EPM2A: variants seen among roughly 807,000 people sequenced by gnomAD.
EPM2A encodes laforin.
In EPM2A, 21 loss-of-function variants were observed where a neutral mutation model predicts 26.5. That is an observed-to-expected ratio of 0.79 (90% CI 0.56 to 1.14). EPM2A has a LOEUF of 1.14. Among genes scored for constraint, EPM2A ranks in the 50% most tolerant of loss-of-function variants. The pLI is 0.00. For missense variants in EPM2A, 458 were observed against 440.8 expected (o/e 1.04, Z -0.35); for synonymous variants, 217 against 177.6 (o/e 1.22, Z -1.76).
chr6:145,445,680 T>G (rs1779120153), intron 4 of EPM2A, among the ~76,000 whole-genome samples: 1 of 152,112 alleles, frequency 6.6e-6, no homozygotes, highest in Non-Finnish European at 1.5e-5. Flanking sequence ...TTTGTTTGTT[T>G]GTTTTTTTGG....
At chr6:145,527,909 G>T (rs1780300478) in intron 2 of EPM2A, among the ~76,000 whole-genome samples, 1 of 151,182 alleles carries the variant, frequency 6.6e-6, no homozygotes, top group African/African-American at 2.4e-5. Flanking sequence ...AGTTATTAAA[G>T]AAAACTAAAA....
At chr6:145,415,592 C>G (rs560937243) in intron 4 of EPM2A, among the ~76,000 whole-genome samples, 14 of 152,252 alleles carry the variant, frequency 9.2e-5, no homozygotes, top group Admixed American at 5.9e-4. Context: ...TCTTTTCCAT[C>G]ATATAGACTT....
downstream of EPM2A, among the ~76,000 whole-genome samples, chr6:145,622,924 T>A (rs376440566): frequency 5.3e-5 from 8 of 152,328 alleles, no homozygotes; most frequent in East Asian, 9.7e-4. Context: ...AAATCAGAAG[T>A]AAAACTATCT....
At chr6:145,401,918 A>G (rs1403527098) in intron 4 of EPM2A, among the ~76,000 whole-genome samples, 2 of 152,114 alleles carry the variant, frequency 1.3e-5, no homozygotes, top group African/African-American at 2.4e-5. Context: ...AATGAATAAT[A>G]AAAGAGAGAG....
chr6:145,554,893 C>T (rs1780706792), intron 2 of EPM2A, among the ~76,000 whole-genome samples: 1 of 152,010 alleles, frequency 6.6e-6, no homozygotes. Context: ...AGTTTGGGTT[C>T]CAAAGGCAGT....
chr6:145,457,094 C>G (rs569587216), intron 4 of EPM2A, among the ~76,000 whole-genome samples: 5 of 152,276 alleles, frequency 3.3e-5, no homozygotes, highest in African/African-American at 9.6e-5. Context: ...TCACAACAAC[C>G]TGATAGGTTA....
chr6:145,725,556 TG>T (rs978160060), intron 1 of EPM2A, among the ~76,000 whole-genome samples: 4 of 152,016 alleles, frequency 2.6e-5, no homozygotes, highest in African/African-American at 9.7e-5. Flanking sequence ...AAACAAAATG[TG>T]GAACATACAT....
At chr6:145,578,180 A>G (rs981189183) in intron 2 of EPM2A, among the ~76,000 whole-genome samples, 3 of 152,120 alleles carry the variant, frequency 2.0e-5, no homozygotes, top group Non-Finnish European at 2.9e-5. Flanking sequence ...TAGTAGAAGA[A>G]GAGAAATAAT....
chr6:145,612,841 T>C (rs1304865466), intron 2 of EPM2A, among the ~76,000 whole-genome samples: 1 of 151,784 alleles, frequency 6.6e-6, no homozygotes, highest in Non-Finnish European at 1.5e-5. Context: ...AGTCATAATC[T>C]TTTGCTGGAG....
chr6:145,705,900 T>A (rs1175167859), intron 1 of EPM2A: 1 of 456,794 alleles, frequency 2.2e-6, no homozygotes, highest in East Asian at 6.9e-5. Flanking sequence ...ATTTCCAAGA[T>A]ATACCAAGGA....
intron 2 of EPM2A, among the ~76,000 whole-genome samples, chr6:145,683,754 T>A (rs1212088352): frequency 6.6e-6 from 1 of 152,146 alleles, no homozygotes; most frequent in Non-Finnish European, 1.5e-5. Flanking sequence ...AGGTGGGTTG[T>A]CTGATCAGAG....
chr6:145,544,987 G>T (rs1233265978), intron 2 of EPM2A, among the ~76,000 whole-genome samples: 6 of 152,110 alleles, frequency 3.9e-5, no homozygotes, highest in African/African-American at 1.4e-4. Context: ...AGGATCTTTG[G>T]TTAAAATACC....
chr6:145,618,565 G>C (rs1775564144), intron 2 of EPM2A, among the ~76,000 whole-genome samples: 1 of 152,190 alleles, frequency 6.6e-6, no homozygotes, highest in African/African-American at 2.4e-5. Context: ...CATGAGATCT[G>C]ATGGTTTGAT....
intron 4 of EPM2A, among the ~76,000 whole-genome samples, chr6:145,392,838 A>G (rs1340744887): frequency 6.6e-6 from 1 of 152,114 alleles, no homozygotes; most frequent in African/African-American, 2.4e-5. Context: ...CTGATCTTGT[A>G]CTTATGTGGG....
intron 2 of EPM2A, among the ~76,000 whole-genome samples, chr6:145,546,133 A>C (rs1314056707): frequency 6.6e-6 from 1 of 152,172 alleles, no homozygotes; most frequent in African/African-American, 2.4e-5. Flanking sequence ...CTGCAGAACT[A>C]GGGATGCCAG....
At chr6:145,631,147 G>A (rs6941429) in intron 3 of EPM2A, 54,353 of 151,386 alleles carry the variant, frequency 0.36, 10,370 homozygotes, top group South Asian at 0.51. Context: ...GCCCTCTCAA[G>A]AGGACCATGT....
intron 4 of EPM2A, among the ~76,000 whole-genome samples, chr6:145,436,248 T>C (rs1170447814): frequency 9.2e-5 from 14 of 152,212 alleles, no homozygotes; most frequent in Admixed American, 3.3e-4. Context: ...AGTAATCAGT[T>C]AATGGATATT....
intron 1 of EPM2A, chr6:145,686,796 G>A (rs193274559): frequency 1.2e-5 from 2 of 162,290 alleles, no homozygotes; most frequent in Admixed American, 6.1e-5. Context: ...TACTTTACAG[G>A]TAAAACAGTT....
At chr6:145,400,570 G>C (rs1778470947) in intron 4 of EPM2A, among the ~76,000 whole-genome samples, 1 of 152,154 alleles carries the variant, frequency 6.6e-6, no homozygotes, top group Non-Finnish European at 1.5e-5. Context: ...GTTCTGATCA[G>C]TTAACAGAGG....
Sources: gnomAD v4.1 joint callset for allele counts (sites outside exome capture counted in the v4.1 genomes callset) on GRCh38, gnomAD v4.1.1 for gene constraint, MANE v1.5 for transcripts, NCBI Gene and HGNC (gene_info 2026-07-23, HGNC 2026-07-21) for gene names.